The following KCNMB3 variants were observed in gnomAD, a reference collection of about 807,000 sequenced individuals.
The protein encoded by KCNMB3 is potassium calcium-activated channel subfamily M regulatory beta subunit 3.
In KCNMB3, 18 loss-of-function variants were observed where a neutral mutation model predicts 11.9. The observed-to-expected ratio is 1.51, with a 90% CI of 1.04 to 2.23. The LOEUF (loss-of-function observed/expected upper bound fraction) is 2.23, where lower values mean the gene tolerates loss of function less well. KCNMB3 is among the 30% of genes most tolerant of loss of function. The pLI is 0.00. For missense variants in KCNMB3, 247 were observed against 329.4 expected (o/e 0.75, Z 1.94); for synonymous variants, 78 against 119.2 (o/e 0.65, Z 2.25).
At chr3:179,261,476 G>C (rs1290991405) in intron 1 of KCNMB3, among the ~76,000 whole-genome samples, 1 of 151,794 alleles carries the variant, frequency 6.6e-6, no homozygotes, top group East Asian at 1.9e-4. Context: ...GCAGCCGGCA[G>C]GGGCGGGGCG....
In KCNMB3 at chr3:179,250,912, TC is replaced by T. The variant is rs780893291; in HGVS notation, c.78del (p.Lys27ArgfsTer13). ...FPQRTAFPAS[G>X]KKRETDYSDG... ...TCACTGTAGTCTGTCTCTCTCTTCT[TC>T]CCTGAGGCAGGAAAGGCTGTCCTTT... On this transcript the variant is annotated frameshift_variant, in exon 1 of 3. Transcript: ENST00000392685. LOFTEE classifies it high-confidence loss of function. The T allele has an allele frequency of 6.2e-7, 1 of 1,614,168 alleles. No homozygotes were observed. The highest frequency in any genetic ancestry group is 1.1e-5 in the South Asian group (1 of 91,080).
At chr3:179,258,535 G>C (rs7624031) in intron 1 of KCNMB3, among the ~76,000 whole-genome samples, 13,852 of 152,090 alleles carry the variant, frequency 0.091, 963 homozygotes, top group African/African-American at 0.19. Flanking sequence ...ATACCATACA[G>C]GTTATAATGT....
At chr3:179,259,183 G>A in intron 1 of KCNMB3, 1 of 1,553,914 alleles carries the variant, frequency 6.4e-7, no homozygotes, top group Non-Finnish European at 8.7e-7. Flanking sequence ...TGACTTGGAT[G>A]TTCTGACATC....
intron 1 of KCNMB3, among the ~76,000 whole-genome samples, chr3:179,246,664 T>C (rs1725654156): frequency 6.6e-6 from 1 of 152,198 alleles, no homozygotes; most frequent in Non-Finnish European, 1.5e-5. Context: ...ACTGGCCTGC[T>C]TTTTCACTAA....
downstream of KCNMB3, chr3:179,240,983 C>T (rs1013451601): frequency 6.6e-6 from 1 of 152,134 alleles, no homozygotes; most frequent in African/African-American, 2.4e-5. Flanking sequence ...TTTACCACAA[C>T]CTTTTAAACA....
rs1293978023 is a variant in KCNMB3 at position 179,244,712 on chromosome 3, A to T, written c.249-19T>A. 6.2e-7 allele frequency: 1 copy of T among 1,606,268 alleles called. No homozygotes were observed. The highest frequency in any genetic ancestry group is 2.2e-5 in the East Asian group (1 of 44,850). On this transcript the variant is annotated intron_variant, in intron 1 of 2. Coordinates refer to ENST00000392685, the MANE Select transcript of KCNMB3 (RefSeq NM_171830.2). Reference sequence around the variant, plus strand: ...CTGAATGCTTCAATTTGAAAAAAAAAAAATGTTCTTCACTTATTAGAAAAT... The same window carrying T: ...CTGAATGCTTCAATTTGAAAAAAAATAAATGTTCTTCACTTATTAGAAAAT...
At position 179,244,545 on chromosome 3, in the gene KCNMB3, G is replaced by A; in HGVS notation, c.397C>T (p.Gln133Ter). The A allele has an allele frequency of 6.2e-7, 1 of 1,614,126 alleles. No individual in the cohort carries two copies. Among genetic ancestry groups the A allele is most frequent in the Non-Finnish European group, 8.5e-7 (1 of 1,180,022 alleles). ...QVFVNLSHPG[Q>*]KALLHYNEEA... is the part of the protein sequence containing the mutation. ...TCATTATAATGTAGGAGAGCTTTCTGACCTGGATGGCTGAGGTTCACAAAC... is the reference window on the plus strand; with the variant it reads ...TCATTATAATGTAGGAGAGCTTTCTAACCTGGATGGCTGAGGTTCACAAAC... Residue 133 changes from glutamine to a stop codon, truncating the protein, a stop_gained, in exon 2 of 3, where the codon CAG (glutamine) becomes TAG (stop). Coordinates refer to ENST00000392685, the MANE Select transcript of KCNMB3 (RefSeq NM_171830.2). LOFTEE classifies it low-confidence loss of function (END_TRUNC).
At chr3:179,259,692 A>G (rs1240612797) in intron 1 of KCNMB3, 3 of 1,602,836 alleles carry the variant, frequency 1.9e-6, no homozygotes, top group Non-Finnish European at 2.5e-6. Context: ...AAGGGTTTCT[A>G]TGGGTACTGG....
At chr3:179,249,307 C>G (rs1450683343) in intron 1 of KCNMB3, among the ~76,000 whole-genome samples, 1 of 149,200 alleles carries the variant, frequency 6.7e-6, no homozygotes, top group Admixed American at 6.7e-5. Flanking sequence ...GCCACCGCGC[C>G]TGGCCCAACC....
At chr3:179,257,233 A>C (rs553928271) in intron 1 of KCNMB3, among the ~76,000 whole-genome samples, 1 of 152,354 alleles carries the variant, frequency 6.6e-6, no homozygotes, top group African/African-American at 2.4e-5. Flanking sequence ...CCCCCAACTT[A>C]AGATGGTTCC....
At chr3:179,248,773 T>G (rs531640766) in intron 1 of KCNMB3, among the ~76,000 whole-genome samples, 1 of 151,664 alleles carries the variant, frequency 6.6e-6, no homozygotes, top group Admixed American at 6.6e-5. Context: ...TACTGTTGAC[T>G]GGAAGCCTTA....
chr3:179,262,506 AGATTTATT>A (rs1234352703), intron 1 of KCNMB3, among the ~76,000 whole-genome samples: 1 of 152,234 alleles, frequency 6.6e-6, no homozygotes, highest in Non-Finnish European at 1.5e-5. Flanking sequence ...AGCAGTACCA[AGATTTATT>A]GCAAAGAGCA....
intron 1 of KCNMB3, chr3:179,260,721 G>C: frequency 7.0e-7 from 1 of 1,429,474 alleles, no homozygotes; most frequent in Admixed American, 1.7e-5. Context: ...GTTTGCTTCA[G>C]GGCCTCCTTG....
downstream of KCNMB3, chr3:179,241,053 G>A (rs1725442880): frequency 6.6e-6 from 1 of 152,120 alleles, no homozygotes; most frequent in Non-Finnish European, 1.5e-5. Flanking sequence ...GTAGGGGCAT[G>A]GAAAATGAAC....
chr3:179,260,499 C>G, intron 1 of KCNMB3: 3 of 1,608,510 alleles, frequency 1.9e-6, no homozygotes, highest in Non-Finnish European at 2.5e-6. Flanking sequence ...CAAGATTTCT[C>G]TTTTCCCCAC....
chr3:179,240,073 T>TAAA, downstream of KCNMB3: 2 of 1,217,462 alleles, frequency 1.6e-6, no homozygotes, highest in Non-Finnish European at 2.2e-6. Context: ...CGCTGTTTAT[T>TAAA]AAAAAAAAAA....
At chr3:179,264,705 T>C (rs4854984) in intron 1 of KCNMB3, among the ~76,000 whole-genome samples, 62,528 of 152,016 alleles carry the variant, frequency 0.41, 15,304 homozygotes, top group African/African-American at 0.69. Flanking sequence ...CCTCCAGCAC[T>C]GAAACTTTTG....
chr3:179,259,223 G>A, intron 1 of KCNMB3: 7 of 1,537,418 alleles, frequency 4.6e-6, no homozygotes, highest in East Asian at 2.2e-5. Context: ...CTGCTTCACA[G>A]GCATCACTAA....
chr3:179,250,612 G>A, intron 1 of KCNMB3, 131 bp downstream of exon 1: 3 of 943,000 alleles, frequency 3.2e-6, no homozygotes, highest in East Asian at 2.4e-5. Context: ...AAGAGGAATT[G>A]TATTTTTCTT....
Sources: gnomAD v4.1 joint callset for allele counts (sites outside exome capture counted in the v4.1 genomes callset) on GRCh38, gnomAD v4.1.1 for gene constraint, MANE v1.5 for transcripts, NCBI Gene and HGNC (gene_info 2026-07-23, HGNC 2026-07-21) for gene names.